ZC3HAV1L: variants seen among roughly 807,000 people sequenced by gnomAD.
ZC3HAV1L encodes the protein zinc finger CCCH-type antiviral protein 1-like.
Under a neutral mutation model 28.2 loss-of-function variants are expected in ZC3HAV1L, and 23 were observed. The observed-to-expected ratio is 0.82, with a 90% CI of 0.59 to 1.16. The LOEUF is 1.16. Ranked by LOEUF, ZC3HAV1L falls within the 50% of genes most tolerant of loss-of-function variation. The pLI is 0.00. For synonymous variants in ZC3HAV1L, 180 were observed against 163.4 expected, an observed-to-expected ratio of 1.10 and a Z score of -0.78; for missense variants, 376 against 387.7, an observed-to-expected ratio of 0.97 and a Z score of 0.25.
chr7:139,023,852 C>T (rs765666059), downstream of ZC3HAV1L, among the ~76,000 whole-genome samples: 11 of 151,896 alleles, frequency 7.2e-5, no homozygotes, highest in Non-Finnish European at 1.3e-4. Context: ...GCAGTATGTA[C>T]AGGGTGGAAA....
At chr7:139,034,950 C>T (rs1815654949) in intron 1 of ZC3HAV1L, 1 of 985,302 alleles carries the variant, frequency 1.0e-6, no homozygotes, top group Admixed American at 6.1e-5. Flanking sequence ...GTTCCGTAGG[C>T]GACTGCACCT....
At chr7:139,035,352 A>C (rs2130640535) in intron 1 of ZC3HAV1L, 1 of 984,248 alleles carries the variant, frequency 1.0e-6, no homozygotes, top group African/African-American at 1.7e-5. Context: ...TGAGCTCCGA[A>C]GTCCCAGTCC....
downstream of ZC3HAV1L, among the ~76,000 whole-genome samples, chr7:139,024,428 C>G (rs912408965): frequency 4.1e-4 from 63 of 152,272 alleles, no homozygotes; most frequent in African/African-American, 1.5e-3. Context: ...ATACCCTACA[C>G]TGTTTCCATT....
rs774164394 is a variant in ZC3HAV1L, at chr7:139,035,969, G to A, written c.49C>T (p.His17Tyr). Residue 17 changes from histidine to tyrosine, a missense_variant, in exon 1 of 5, where the codon CAC (histidine) becomes TAC (tyrosine). By Grantham distance (83) the His-to-Tyr change is moderately conservative. Transcript: ENST00000275766. ...CSFLTKVLCAHGGRMFLKDLR... is the reference protein window; with the variant it reads ...CSFLTKVLCAYGGRMFLKDLR... ...TCCTTCAGGAACATGCGGCCGCCGT[G>A]GGCGCACAGCACCTTGGTGAGGAAG... 14 of 1,523,156 alleles carry A rather than the reference G, an allele frequency of 9.2e-6. No homozygotes were observed. In the African/African-American group the frequency reaches 1.6e-4, roughly 17 times the overall value. The allele number at this position is 1,523,156 out of a possible 1,614,324, so 94.4% of individuals were successfully genotyped here.
rs993374354 is a variant in ZC3HAV1L, at chr7:139,033,789, C to T, written c.501+754G>A. On this transcript the variant is annotated intron_variant, in intron 2 of 4. Coordinates refer to ENST00000275766, the MANE Select transcript of ZC3HAV1L (RefSeq NM_080660.4). ...ATTAAAAGGCAAATAGCAGCGGCAC[C>T]ACGCCTTCTCTCTGAGACAGGAAGG... 12 of 985,310 alleles carry T rather than the reference C, an allele frequency of 1.2e-5. No homozygotes were observed. The African/African-American group carries it at 1.7e-4, about 14-fold the overall frequency. 61.0% of individuals were successfully genotyped at this position (985,310 alleles called of 1,614,324 possible). A position where few individuals can be genotyped will look rare whatever the true frequency, so the allele number is the denominator to read the frequency against.
At chr7:139,024,561 G>A (rs1584815289), downstream of ZC3HAV1L, among the ~76,000 whole-genome samples, 1 of 152,040 alleles carries the variant, frequency 6.6e-6, no homozygotes. Context: ...TAGAAAAAAA[G>A]AAACAAAATA....
chr7:139,028,571 C>T, intron 3 of ZC3HAV1L, 131 bp downstream of exon 3: 1 of 1,251,208 alleles, frequency 8.0e-7, no homozygotes, highest in Non-Finnish European at 1.1e-6. Flanking sequence ...TTCCCAAGAA[C>T]AAAGATGAAA....
At position 139,035,997 on chromosome 7, in the gene ZC3HAV1L, G is replaced by A; in HGVS notation, c.21C>T (p.Cys7=). Residue 7 remains cysteine (C), a synonymous_variant, in exon 1 of 5, where the codon TGC becomes TGT. Coordinates refer to ENST00000275766, the MANE Select transcript of ZC3HAV1L (RefSeq NM_080660.4). The part of the protein sequence containing the change: MAEPTV[C]SFLTKVLCAH... ...CGCACAGCACCTTGGTGAGGAAGGA[G>A]CACACTGTGGGCTCCGCCATGGTCG... 1 of 1,519,190 alleles carries A rather than the reference G, an allele frequency of 6.6e-7. No homozygotes were observed. The highest frequency in any genetic ancestry group is 2.0e-5 in the Admixed American group (1 of 50,098). The allele number at this position is 1,519,190 out of a possible 1,614,324, so 94.1% of individuals were successfully genotyped here. A position where few individuals can be genotyped will look rare whatever the true frequency, so the allele number is the denominator to read the frequency against.
chr7:139,032,133 A>T (rs1020993715), intron 2 of ZC3HAV1L, among the ~76,000 whole-genome samples: 1 of 152,010 alleles, frequency 6.6e-6, no homozygotes, highest in Non-Finnish European at 1.5e-5. Context: ...TGAAAGATAA[A>T]CTACTTTAAT....
At chr7:139,025,009 G>C (rs982245872), downstream of ZC3HAV1L, among the ~76,000 whole-genome samples, 3 of 152,196 alleles carry the variant, frequency 2.0e-5, no homozygotes, top group Middle Eastern at 3.2e-3. Context: ...AGGGAGAAGG[G>C]AGAAAGGGGA....
At chr7:139,034,405 A>C in intron 2 of ZC3HAV1L, 138 bp downstream of exon 2, 2 of 1,356,920 alleles carry the variant, frequency 1.5e-6, no homozygotes, top group Non-Finnish European at 2.0e-6. Context: ...GCAATTATAA[A>C]GGGTACCTTT....
chr7:139,033,600 G>A (rs1815601990), intron 2 of ZC3HAV1L, among the ~76,000 whole-genome samples: 1 of 152,134 alleles, frequency 6.6e-6, no homozygotes, highest in Non-Finnish European at 1.5e-5. Flanking sequence ...CCTGTTGTAA[G>A]TGCAGCCAAC....
intron 2 of ZC3HAV1L, among the ~76,000 whole-genome samples, 157 bp downstream of exon 2, chr7:139,034,386 G>A (rs892004958): frequency 1.3e-5 from 2 of 152,070 alleles, no homozygotes. Context: ...GTACTATTTC[G>A]CCATGATAGC....
At chr7:139,035,101 G>A (rs1815661220) in intron 1 of ZC3HAV1L, 1 of 985,326 alleles carries the variant, frequency 1.0e-6, no homozygotes, top group Admixed American at 6.1e-5. Flanking sequence ...CTGGGGTCAG[G>A]AGGCAGCCCC....
Position 139,026,344 on chromosome 7 carries a change from G to T in ZC3HAV1L, c.*200C>A. ...AAACAATGGTGGACCACAGAAGTCA[G>T]CAGAGCTCCATCTACCCAGCCTGAG... On this transcript the variant is annotated 3_prime_UTR_variant, in exon 5 of 5. Transcript: ENST00000275766. The T allele has an allele frequency of 3.0e-6, 2 of 672,710 alleles. No individual in the cohort carries two copies. Among genetic ancestry groups the T allele is most frequent in the South Asian group, 2.3e-5 (1 of 42,660 alleles). 41.7% of individuals were successfully genotyped at this position (672,710 alleles called of 1,614,324 possible).
chr7:139,034,231 T>C, intron 2 of ZC3HAV1L: 1 of 946,872 alleles, frequency 1.1e-6, no homozygotes. Context: ...TCTGGCCAAG[T>C]GGAGGTGTCT....
chr7:139,027,627 T>C (rs979195843), intron 3 of ZC3HAV1L, among the ~76,000 whole-genome samples: 5 of 152,180 alleles, frequency 3.3e-5, no homozygotes, highest in Admixed American at 2.6e-4. Flanking sequence ...CAGTGAGTCA[T>C]GACTGTGCCA....
downstream of ZC3HAV1L, among the ~76,000 whole-genome samples, chr7:139,023,256 T>C (rs1345717336): frequency 6.7e-6 from 1 of 149,254 alleles, no homozygotes; most frequent in African/African-American, 2.5e-5. Context: ...TTCCAGAAAT[T>C]CCAAGTAGGT....
intron 1 of ZC3HAV1L, chr7:139,035,021 C>A: frequency 1.0e-6 from 1 of 985,440 alleles, no homozygotes; most frequent in Non-Finnish European, 1.2e-6. Context: ...GCGCCCCTAT[C>A]CCCAGCACCG....
Sources: gnomAD v4.1 joint callset for allele counts (sites outside exome capture counted in the v4.1 genomes callset) on GRCh38, gnomAD v4.1.1 for gene constraint, MANE v1.5 for transcripts, NCBI Gene and HGNC (gene_info 2026-07-23, HGNC 2026-07-21) for gene names.